The following CAPS2 variants were observed in gnomAD, a reference collection of about 807,000 sequenced individuals.
CAPS2 encodes calcyphosin-2.
CAPS2 carries 98 observed loss-of-function variants against 86.5 expected under a neutral mutation model. The observed-to-expected ratio is 1.13, with a 90% confidence interval of 0.96 to 1.34. The LOEUF is 1.34. Among genes scored for constraint, CAPS2 ranks in the 40% most tolerant of loss-of-function variants. The probability of loss-of-function intolerance (pLI) is 0.00; values close to 1 mark genes in which losing one functional copy is unlikely to be tolerated. For synonymous variants in CAPS2, 210 were observed against 225.1 expected, an observed-to-expected ratio of 0.93 and a Z score of 0.60; for missense variants, 729 against 686.8, an observed-to-expected ratio of 1.06 and a Z score of -0.69.
At position 75,326,420 on chromosome 12, in the gene CAPS2, G is replaced by A. The variant is rs1331119019; in HGVS notation, c.79C>T (p.Gln27Ter). 3 of 1,386,950 alleles carry A rather than the reference G, an allele frequency of 2.2e-6. No individual in the cohort carries two copies. The highest frequency in any genetic ancestry group is 2.5e-5 in the East Asian group (1 of 40,150). The allele number at this position is 1,386,950 out of a possible 1,614,324, so 85.9% of individuals were successfully genotyped here. A position where few individuals can be genotyped will look rare whatever the true frequency, so the allele number is the denominator to read the frequency against. The change falls in exon 1 of 17, where the codon CAA becomes TAA. Residue 27 changes from glutamine (Q) to a stop codon, truncating the protein, a stop_gained and splice_region_variant. Transcript: ENST00000393284. LOFTEE classifies it high-confidence loss of function. ...AAAATTATATAGAGCTCACATACTT[G>A]TAGAGGCTTCTTTCTTCCAAAGAAT...
intron 7 of CAPS2, among the ~76,000 whole-genome samples, chr12:75,309,161 G>A (rs529553378): frequency 3.9e-5 from 6 of 152,158 alleles, no homozygotes; most frequent in African/African-American, 1.4e-4. Context: ...TCAATCAAAA[G>A]GCAGACACGG....
At chr12:75,323,268 T>G in intron 2 of CAPS2, 46 bp from the exon 4 acceptor site, 1 of 1,424,658 alleles carries the variant, frequency 7.0e-7, no homozygotes, top group African/African-American at 1.4e-5. Context: ...AACATGAAAC[T>G]TTAATAAATG....
At chr12:75,316,582 A>G (rs12367108) in intron 5 of CAPS2, 148 bp from the exon 6 acceptor site, 30,556 of 763,714 alleles carry the variant, frequency 0.04, 846 homozygotes, top group Non-Finnish European at 0.049. Context: ...GATTGCTTAT[A>G]TTTGAATCCA....
chr12:75,291,226 AC>A (rs1400480732), intron 13 of CAPS2, among the ~76,000 whole-genome samples: 1 of 151,640 alleles, frequency 6.6e-6, no homozygotes, highest in Non-Finnish European at 1.5e-5. Flanking sequence ...CAGAGTCCAA[AC>A]ATCAATCTGG....
chr12:75,300,608 A>AT (rs2037698280), intron 8 of CAPS2, among the ~76,000 whole-genome samples: 1 of 151,276 alleles, frequency 6.6e-6, no homozygotes, highest in African/African-American at 2.4e-5. Flanking sequence ...GCATCTTGCA[A>AT]TTAAGGATGA....
chr12:75,289,422 A>G (rs540856415), intron 14 of CAPS2, among the ~76,000 whole-genome samples, 199 bp downstream of exon 14: 3 of 152,340 alleles, frequency 2.0e-5, no homozygotes, highest in African/African-American at 7.2e-5. Flanking sequence ...ATGCCTGGTT[A>G]TTAAGCTCTT....
intron 1 of CAPS2, among the ~76,000 whole-genome samples, chr12:75,343,018 G>A (rs1031491473): frequency 7.9e-5 from 12 of 151,420 alleles, no homozygotes; most frequent in African/African-American, 2.9e-4. Flanking sequence ...TATTTTTATA[G>A]TATTGTTTAT....
At chr12:75,292,063 T>TTTTG (rs925044000) in intron 12 of CAPS2, among the ~76,000 whole-genome samples, 3 of 151,906 alleles carry the variant, frequency 2.0e-5, no homozygotes, top group Admixed American at 1.3e-4. Context: ...TTTGTTTGTT[T>TTTTG]TTTGTTTGTT....
intron 1 of CAPS2, among the ~76,000 whole-genome samples, chr12:75,354,536 C>G (rs533023167): frequency 9.1e-4 from 139 of 152,246 alleles, no homozygotes; most frequent in African/African-American, 3.2e-3. Flanking sequence ...GAATCAATAT[C>G]GTGAAAATGG....
intron 1 of CAPS2, among the ~76,000 whole-genome samples, chr12:75,388,139 T>C (rs1484107602): frequency 6.6e-6 from 1 of 152,192 alleles, no homozygotes; most frequent in Non-Finnish European, 1.5e-5. Context: ...GTTCTCATGG[T>C]AATGATTATG....
At chr12:75,310,954 G>C (rs1027071402) in intron 7 of CAPS2, among the ~76,000 whole-genome samples, 7 of 152,034 alleles carry the variant, frequency 4.6e-5, no homozygotes, top group African/African-American at 1.4e-4. Flanking sequence ...TATACAACTG[G>C]TCAAAATAAA....
upstream of CAPS2, chr12:75,334,858 T>G: frequency 6.2e-7 from 1 of 1,614,140 alleles, no homozygotes; most frequent in Non-Finnish European, 8.5e-7. Flanking sequence ...CCACAACGAA[T>G]GGCGTGGCAA....
At chr12:75,337,461 C>T (rs1280403788) in intron 1 of CAPS2, among the ~76,000 whole-genome samples, 3 of 151,698 alleles carry the variant, frequency 2.0e-5, no homozygotes, top group East Asian at 1.9e-4. Context: ...ATATTTTGAA[C>T]AAATTTATAC....
intron 10 of CAPS2, 41 bp downstream of exon 10, chr12:75,298,830 A>G: frequency 6.3e-7 from 1 of 1,591,068 alleles, no homozygotes; most frequent in Non-Finnish European, 8.6e-7. Flanking sequence ...TTCTCTCGGA[A>G]GTGAACATCT....
At chr12:75,370,136 AT>A (rs1354978716) in intron 1 of CAPS2, 1 of 1,604,960 alleles carries the variant, frequency 6.2e-7, no homozygotes, top group Non-Finnish European at 8.5e-7. Flanking sequence ...ACAGCCTTTA[AT>A]CCATTCAGCT....
intron 6 of CAPS2, among the ~76,000 whole-genome samples, chr12:75,316,024 G>A (rs1225348243): frequency 6.6e-6 from 1 of 151,948 alleles, no homozygotes; most frequent in Non-Finnish European, 1.5e-5. Context: ...TTTGGGGGAG[G>A]GGGTGACACC....
chr12:75,345,471 C>A (rs1054455187), intron 1 of CAPS2, among the ~76,000 whole-genome samples: 3 of 152,060 alleles, frequency 2.0e-5, no homozygotes, highest in African/African-American at 7.2e-5. Flanking sequence ...AAGAGCTAAC[C>A]TTCTTCTCTA....
chr12:75,366,845 C>G, intron 1 of CAPS2: 2 of 700,340 alleles, frequency 2.9e-6, no homozygotes, highest in Non-Finnish European at 5.2e-6. Flanking sequence ...GCTCTATATG[C>G]ATTTCTTGAA....
intron 1 of CAPS2, among the ~76,000 whole-genome samples, chr12:75,338,534 G>T (rs2041884679): frequency 6.6e-6 from 1 of 151,448 alleles, no homozygotes; most frequent in Non-Finnish European, 1.5e-5. Context: ...TTTCCTGTAG[G>T]TTTTTTTAAT....
Sources: gnomAD v4.1 joint callset for allele counts (sites outside exome capture counted in the v4.1 genomes callset) on GRCh38, gnomAD v4.1.1 for gene constraint, MANE v1.5 for transcripts, NCBI Gene and HGNC (gene_info 2026-07-23, HGNC 2026-07-21) for gene names.